The following STRIP2 variants were observed in gnomAD, a reference collection of about 807,000 sequenced individuals.
The protein encoded by STRIP2 is striatin-interacting protein 2.
A neutral mutation model predicts 107.1 loss-of-function variants in STRIP2; 84 were observed. The observed-to-expected ratio is 0.78, with a 90% CI of 0.66 to 0.94. The LOEUF is 0.94. Ranked by LOEUF, STRIP2 falls within the 40% of genes least tolerant of loss-of-function variation. STRIP2 has a pLI of 0.00. For missense variants in STRIP2, 888 were observed against 1,034.2 expected, an observed-to-expected ratio of 0.86 and a Z score of 1.94; for synonymous variants, 394 against 400.4, an observed-to-expected ratio of 0.98 and a Z score of 0.19.
chr7:129,447,691 T>C (rs1449641961), intron 3 of STRIP2, among the ~76,000 whole-genome samples: 1 of 152,232 alleles, frequency 6.6e-6, no homozygotes, highest in East Asian at 1.9e-4. Flanking sequence ...TGGCGGGCCT[T>C]ATGGACAGGA....
intron 19 of STRIP2, 93 bp downstream of exon 19, chr7:129,480,982 C>A: frequency 1.1e-6 from 1 of 908,800 alleles, no homozygotes; most frequent in Non-Finnish European, 1.7e-6. Context: ...GGTTTGTGAT[C>A]TCCGTATATA....
chr7:129,463,303 G>A (rs1165795471), intron 14 of STRIP2, among the ~76,000 whole-genome samples: 1 of 152,178 alleles, frequency 6.6e-6, no homozygotes, highest in Non-Finnish European at 1.5e-5. Flanking sequence ...TCCGAGATAA[G>A]TACTGTAGTC....
rs1798287931 is a variant in STRIP2 at position 129,454,505 on chromosome 7, G to A, written c.684G>A (p.Arg228=). Residue 228 remains arginine (R), a synonymous_variant, in exon 7 of 21, where the codon CGG becomes CGA. Coordinates refer to ENST00000249344, the MANE Select transcript of STRIP2 (RefSeq NM_020704.3). ...ETDPCGWRTA[R]ETFRTELSFS... ...ACCCCTGTGGGTGGAGAACAGCCCG[G>A]GAGACCTTCCGCACTGAATTAAGTA... The A allele has an allele frequency of 1.9e-6, 3 of 1,613,686 alleles. No homozygotes were observed. Among genetic ancestry groups the A allele is most frequent in the Non-Finnish European group, 2.5e-6 (3 of 1,179,566 alleles).
At chr7:129,456,709 C>G (rs1798366830) in intron 9 of STRIP2, 67 bp downstream of exon 9, 3 of 1,440,792 alleles carry the variant, frequency 2.1e-6, no homozygotes, top group Non-Finnish European at 2.9e-6. Context: ...CTAAGTTACT[C>G]TGGGTGTGGT....
intron 1 of STRIP2, among the ~76,000 whole-genome samples, chr7:129,438,972 C>G (rs2150985434): frequency 6.6e-6 from 1 of 152,266 alleles, no homozygotes; most frequent in East Asian, 1.9e-4. Flanking sequence ...GTTCCCCAAC[C>G]CAAAAGCTGC....
chr7:129,459,439 G>T, intron 11 of STRIP2, 78 bp from the exon 12 acceptor site: 3 of 1,250,018 alleles, frequency 2.4e-6, no homozygotes, highest in Non-Finnish European at 3.5e-6. Context: ...ATGGTCTGTT[G>T]ACTCTAGGGG....
chr7:129,460,420 C>T, intron 13 of STRIP2, 48 bp downstream of exon 13: 1 of 1,505,174 alleles, frequency 6.6e-7, no homozygotes, highest in South Asian at 1.2e-5. Context: ...GAAAACCTGT[C>T]TTCAGTGTTG....
Position 129,485,569 on chromosome 7 carries a change from T to C in STRIP2, c.2255-10T>C. On this transcript the variant is annotated splice_polypyrimidine_tract_variant and intron_variant, in intron 20 of 20. Coordinates refer to ENST00000249344, the MANE Select transcript of STRIP2 (RefSeq NM_020704.3). ...TTGTATGTCTTCTTCTTCCTCTCTT[T>C]CCAACACAGACATCGATGCCAGACC... The C allele has an allele frequency of 3.1e-6, 5 of 1,613,890 alleles. No homozygotes were observed. The highest frequency in any genetic ancestry group is 1.7e-5 in the Admixed American group (1 of 59,980).
chr7:129,456,432 T>A lies in STRIP2; in HGVS notation c.835-7T>A, dbSNP rs781115137. On this transcript the variant is annotated splice_region_variant and splice_polypyrimidine_tract_variant and intron_variant, in intron 8 of 20. Transcript: ENST00000249344. ...CTCTCTCTGCCCCTTTCCTGTTTCTTCCTTAGTTTACCCTCGGTGGATTTG... is the reference window on the plus strand; with the variant it reads ...CTCTCTCTGCCCCTTTCCTGTTTCTACCTTAGTTTACCCTCGGTGGATTTG... 9.3e-6 allele frequency: 15 copies of A among 1,613,840 alleles called. No individual in the cohort carries two copies.
chr7:129,472,105 T>C (rs1175425262), intron 18 of STRIP2, among the ~76,000 whole-genome samples: 1 of 152,196 alleles, frequency 6.6e-6, no homozygotes, highest in Non-Finnish European at 1.5e-5. Flanking sequence ...CAGTTGAAAG[T>C]GGAAGTCAGG....
At position 129,464,261 on chromosome 7, in the gene STRIP2, C is replaced by T. The variant is rs528744979; in HGVS notation, c.1649+120C>T. The T allele has an allele frequency of 2.0e-5, 16 of 791,626 alleles. No individual in the cohort carries two copies. In the African/African-American group the frequency reaches 2.4e-4, roughly 12 times the overall value. The allele number at this position is 791,626 out of a possible 1,614,324, so 49.0% of individuals were successfully genotyped here. A position where few individuals can be genotyped will look rare whatever the true frequency, so the allele number is the denominator to read the frequency against. ...TGTCTCCAAAGAGATCTCCCCGTCT[C>T]TGCCCACCAGTACCCCCTTTCCCGT... On this transcript the variant is annotated intron_variant, in intron 15 of 20. Coordinates refer to ENST00000249344, the MANE Select transcript of STRIP2 (RefSeq NM_020704.3).
At chr7:129,450,651 CAT>C (rs1201628784) in intron 3 of STRIP2, among the ~76,000 whole-genome samples, 13 of 152,210 alleles carry the variant, frequency 8.5e-5, no homozygotes, top group Non-Finnish European at 1.8e-4. Flanking sequence ...GCAGGGGAAT[CAT>C]GTGCACATCA....
Position 129,461,202 on chromosome 7 carries a change from G to T in STRIP2, c.1476+830G>T, listed in dbSNP as rs933842123. Among the ~76,000 whole-genome samples the T allele has an allele frequency of 6.6e-6, 1 of 152,188 alleles. No homozygotes were observed. Among genetic ancestry groups the T allele is most frequent in the African/African-American group, 2.4e-5 (1 of 41,422 alleles). On this transcript the variant is annotated intron_variant, in intron 13 of 20. Coordinates refer to ENST00000249344, the MANE Select transcript of STRIP2 (RefSeq NM_020704.3). This position sits in a 1 kb window ranked among gnomAD's most constrained non-coding sequence, Gnocchi z 4.0. ...GAATAAGTACCATTTGCCAGGATGT[G>T]GGGGGAATATCAAGAGTTCTGTTTT...
intron 18 of STRIP2, among the ~76,000 whole-genome samples, chr7:129,473,189 A>T (rs1798835167): frequency 6.6e-6 from 1 of 152,184 alleles, no homozygotes; most frequent in Admixed American, 6.5e-5. Context: ...AGGAAGAAAA[A>T]TACTCTTATG....
At chr7:129,475,771 C>T (rs992293246) in intron 18 of STRIP2, among the ~76,000 whole-genome samples, 9 of 151,748 alleles carry the variant, frequency 5.9e-5, no homozygotes, top group African/African-American at 1.7e-4. Context: ...TGACTCTTAA[C>T]GAGCATGCTG....
intron 13 of STRIP2, 147 bp from the exon 14 acceptor site, chr7:129,462,819 A>T: frequency 1.6e-6 from 1 of 617,894 alleles, no homozygotes; most frequent in Non-Finnish European, 2.9e-6. Context: ...CCAAGGTCAC[A>T]CAGTGAGTCA....
At chr7:129,442,131 A>G (rs1349466694) in intron 2 of STRIP2, among the ~76,000 whole-genome samples, 1 of 152,186 alleles carries the variant, frequency 6.6e-6, no homozygotes. Context: ...AGGCTGAGAC[A>G]GGAGAATTGC....
chr7:129,484,599 T>G (rs1562921820), intron 20 of STRIP2: 1 of 152,188 alleles, frequency 6.6e-6, no homozygotes, highest in East Asian at 1.9e-4. Flanking sequence ...CCCCTGCTAT[T>G]CCCCTAAATG....
intron 17 of STRIP2, among the ~76,000 whole-genome samples, chr7:129,469,202 G>C (rs1798737457): frequency 6.6e-6 from 1 of 152,174 alleles, no homozygotes; most frequent in South Asian, 2.1e-4. Flanking sequence ...GTTCAGTTTG[G>C]AGTTGGAAGA....
Sources: allele counts gnomAD v4.1 joint callset (sites outside exome capture counted in the v4.1 genomes callset), GRCh38; gene constraint gnomAD v4.1.1; non-coding constraint Gnocchi (gnomAD v3.1); transcripts MANE v1.5; gene names NCBI Gene and HGNC (gene_info 2026-07-23, HGNC 2026-07-21).